RSPRY1: variants seen among roughly 807,000 people sequenced by gnomAD.
RSPRY1 encodes the protein ring finger and SPRY domain containing 1.
A neutral mutation model predicts 73.1 loss-of-function variants in RSPRY1; 23 were observed. That is an observed-to-expected ratio of 0.31 (90% CI 0.23 to 0.45). The LOEUF (loss-of-function observed/expected upper bound fraction) is 0.45, where lower values mean the gene tolerates loss of function less well. Among genes scored for constraint, RSPRY1 ranks in the 20% least tolerant of loss-of-function variants. The pLI is 1.00. For missense variants in RSPRY1, 448 were observed against 698.7 expected (o/e 0.64, Z 4.05); for synonymous variants, 226 against 251.4 (o/e 0.90, Z 0.95).
In RSPRY1 at chr16:57,204,727, C is replaced by T. The variant is rs1597877522; in HGVS notation, c.69C>T (p.Leu23=). ...TTGGCCAGGGTCTGTTGTTGACTCTCGAAGAGCACATAGCCCACTTCCTAG... is the reference window on the plus strand; with the variant it reads ...TTGGCCAGGGTCTGTTGTTGACTCTTGAAGAGCACATAGCCCACTTCCTAG... ...RSLGQGLLLT[L]EEHIAHFLGT... Residue 23 remains leucine (L), a synonymous_variant, in exon 2 of 15, where the codon CTC becomes CTT. Coordinates refer to ENST00000394420, the MANE Select transcript of RSPRY1 (RefSeq NM_133368.3). The T allele has an allele frequency of 2.5e-6, 4 of 1,614,184 alleles. No individual in the cohort carries two copies. Among genetic ancestry groups the T allele is most frequent in the Admixed American group, 1.7e-5 (1 of 60,024 alleles).
At chr16:57,213,678 C>T (rs1224794089) in intron 5 of RSPRY1, among the ~76,000 whole-genome samples, 2 of 152,344 alleles carry the variant, frequency 1.3e-5, no homozygotes, top group Middle Eastern at 3.4e-3. Flanking sequence ...CTCCCATGTG[C>T]TTGCCAAGTG....
Position 57,204,871 on chromosome 16 carries a change from T to C in RSPRY1, c.213T>C (p.Ala71=). 6.2e-7 allele frequency: 1 copy of C among 1,614,144 alleles called. No individual in the cohort carries two copies. Residue 71 remains alanine, a synonymous_variant, in exon 2 of 15, where the codon GCT becomes GCC. Transcript: ENST00000394420. ...CCGAGAACAGTGCAGTACCCACTGC[T>C]GACACAAGGAGCCAACCACGGGACC... ...QQAENSAVPT[A]DTRSQPRDPV... is the part of the protein sequence containing the mutation.
At chr16:57,223,722 A>C (rs916542040) in intron 10 of RSPRY1, among the ~76,000 whole-genome samples, 1 of 152,244 alleles carries the variant, frequency 6.6e-6, no homozygotes, top group Non-Finnish European at 1.5e-5. Context: ...CACTGAGCCC[A>C]GATAGTGCCA....
chr16:57,237,099 G>A (rs1366016003), intron 14 of RSPRY1, among the ~76,000 whole-genome samples: 2 of 152,248 alleles, frequency 1.3e-5, no homozygotes, highest in South Asian at 2.1e-4. Context: ...CCTGGGAGGT[G>A]GAGGTTGCAG....
rs2074700265 is a variant in RSPRY1, at chr16:57,205,097, A to G, written c.350+89A>G. On this transcript the variant is annotated intron_variant, in intron 2 of 14. Coordinates refer to ENST00000394420, the MANE Select transcript of RSPRY1 (RefSeq NM_133368.3). ...TTAGGACTCCTTCAGTTCCTTTAGG[A>G]CATACTCGCCAAGCCTTGTGCTCAC... 21 of 934,772 alleles carry G rather than the reference A, an allele frequency of 2.2e-5. No individual in the cohort carries two copies. In the South Asian group the frequency reaches 3.2e-4, roughly 14 times the overall value. The allele number at this position is 934,772 out of a possible 1,614,324, so 57.9% of individuals were successfully genotyped here. A position where few individuals can be genotyped will look rare whatever the true frequency, so the allele number is the denominator to read the frequency against.
chr16:57,218,728 T>C (rs369868687), intron 8 of RSPRY1, among the ~76,000 whole-genome samples: 1 of 90,948 alleles, frequency 1.1e-5, no homozygotes, highest in Admixed American at 1.1e-4. Context: ...TTCTTTTTTT[T>C]TTTTTTTTTT....
At chr16:57,187,127 G>A (rs2074228404) in intron 1 of RSPRY1, 1 of 152,332 alleles carries the variant, frequency 6.6e-6, no homozygotes, top group East Asian at 1.9e-4. Flanking sequence ...AGCCAGAGTG[G>A]GGAGTAGTGA....
At chr16:57,226,276 T>C (rs2075119515) in intron 10 of RSPRY1, among the ~76,000 whole-genome samples, 1 of 152,140 alleles carries the variant, frequency 6.6e-6, no homozygotes, top group South Asian at 2.1e-4. Context: ...CTGGAAAGGG[T>C]CTGGATCCAG....
At chr16:57,199,050 T>C (rs1019327178) in intron 1 of RSPRY1, among the ~76,000 whole-genome samples, 1 of 152,234 alleles carries the variant, frequency 6.6e-6, no homozygotes, top group Non-Finnish European at 1.5e-5. Context: ...TTTTATAGCA[T>C]AGTGGTCAAG....
At chr16:57,206,735 A>T (rs567802258) in intron 2 of RSPRY1, among the ~76,000 whole-genome samples, 23 of 152,134 alleles carry the variant, frequency 1.5e-4, no homozygotes, top group African/African-American at 4.8e-4. Context: ...GCTAATTTTT[A>T]AAAAAGTTTT....
At chr16:57,207,235 C>T (rs913576237) in intron 2 of RSPRY1, among the ~76,000 whole-genome samples, 1 of 152,160 alleles carries the variant, frequency 6.6e-6, no homozygotes, top group Non-Finnish European at 1.5e-5. Flanking sequence ...ACAGGCAGCA[C>T]CTAATGAGTA....
At chr16:57,208,950 A>G in intron 3 of RSPRY1, 125 bp from the exon 4 acceptor site, 1 of 631,172 alleles carries the variant, frequency 1.6e-6, no homozygotes, top group South Asian at 2.1e-5. Flanking sequence ...GTCCATGCCA[A>G]ATATTAGCTG....
intron 1 of RSPRY1, among the ~76,000 whole-genome samples, chr16:57,189,149 C>A (rs893113377): frequency 6.6e-6 from 1 of 151,818 alleles, no homozygotes; most frequent in African/African-American, 2.4e-5. Context: ...AAGCACCACC[C>A]GTGCCTGGCT....
At chr16:57,199,359 G>A (rs1006386806) in intron 1 of RSPRY1, among the ~76,000 whole-genome samples, 1 of 152,200 alleles carries the variant, frequency 6.6e-6, no homozygotes, top group Non-Finnish European at 1.5e-5. Flanking sequence ...AGGCATGGTG[G>A]CGTGCGCCTG....
At chr16:57,212,536 A>G (rs1348892284) in intron 4 of RSPRY1, among the ~76,000 whole-genome samples, 2 of 152,250 alleles carry the variant, frequency 1.3e-5, no homozygotes, top group East Asian at 3.9e-4. Context: ...TTGATCAGAT[A>G]TTTCCCATCA....
Position 57,208,064 on chromosome 16 carries a change from G to A in RSPRY1, c.357G>A (p.Gln119=). The change falls in exon 3 of 15, where the codon CAG becomes CAA. Residue 119 remains glutamine (Q), a synonymous_variant. Transcript: ENST00000394420. ...AVIRTLVDND[Q]EPPYSMITLH... is the part of the protein sequence containing the mutation. ...CTTGAATTTTTTTTTCCAGTGATCA[G>A]GAACCTCCCTATTCAATGATAACAT... 6.3e-7 allele frequency: 1 copy of A among 1,585,688 alleles called. No individual in the cohort carries two copies.
At chr16:57,220,690 C>A in intron 8 of RSPRY1, 42 bp from the exon 9 acceptor site, 1 of 1,354,142 alleles carries the variant, frequency 7.4e-7, no homozygotes, top group South Asian at 1.2e-5. Context: ...CTTTTCTCCA[C>A]AGCAGCCTGC....
intron 1 of RSPRY1, among the ~76,000 whole-genome samples, chr16:57,189,593 CTTTTTTTT>C (rs544146883): frequency 8.1e-6 from 1 of 124,068 alleles, no homozygotes; most frequent in Non-Finnish European, 1.6e-5. Context: ...CTTTTCTTTT[CTTTTTTTT>C]TTTTTTTTGA....
intron 3 of RSPRY1, among the ~76,000 whole-genome samples, chr16:57,208,394 A>ATTT (rs1358520220): frequency 1.2e-5 from 1 of 81,710 alleles, no homozygotes; most frequent in Admixed American, 1.6e-4. Context: ...ATATATATAT[A>ATTT]TATATATTTT....
Sources: allele counts gnomAD v4.1 joint callset (sites outside exome capture counted in the v4.1 genomes callset), GRCh38; gene constraint gnomAD v4.1.1; transcripts MANE v1.5; gene names NCBI Gene and HGNC (gene_info 2026-07-23, HGNC 2026-07-21).